PACRGL: variants seen among roughly 807,000 people sequenced by gnomAD.
The protein encoded by PACRGL is parkin coregulated like.
Under a neutral mutation model 34.5 loss-of-function variants are expected in PACRGL, and 38 were observed. That is an observed-to-expected ratio of 1.10 (90% CI 0.85 to 1.44). The LOEUF is 1.44. Ranked by LOEUF, PACRGL falls within the 40% of genes most tolerant of loss-of-function variation. The pLI is 0.00. For synonymous variants in PACRGL, 128 were observed against 100.1 expected (o/e 1.28, Z -1.66); for missense variants, 305 against 281.4 (o/e 1.08, Z -0.60).
chr4:20,707,291 A>G (rs1332328141), intron 3 of PACRGL, among the ~76,000 whole-genome samples: 2 of 152,212 alleles, frequency 1.3e-5, no homozygotes, highest in Admixed American at 6.5e-5. Flanking sequence ...ATGAAGTTAT[A>G]TATCTAAGAA....
At chr4:20,721,865 C>G (rs1386326004) in intron 7 of PACRGL, among the ~76,000 whole-genome samples, 1 of 152,206 alleles carries the variant, frequency 6.6e-6, no homozygotes, top group Non-Finnish European at 1.5e-5. Context: ...CAGACAGGGA[C>G]ATTTAAGTCT....
chr4:20,739,438 T>C (rs1173981440), intron 8 of PACRGL, among the ~76,000 whole-genome samples: 1 of 152,122 alleles, frequency 6.6e-6, no homozygotes, highest in Non-Finnish European at 1.5e-5. Flanking sequence ...CTGCTGGTGA[T>C]AACCAGGCAA....
chr4:20,765,506 T>A, the PACRGL span, among the ~76,000 whole-genome samples: 1 of 152,178 alleles, frequency 6.6e-6, no homozygotes, highest in Non-Finnish European at 1.5e-5. Flanking sequence ...TTTTTAGAAA[T>A]CTTTGGTTTT....
At chr4:20,749,265 TA>T (rs986256534) in intron 8 of PACRGL, among the ~76,000 whole-genome samples, 4 of 152,210 alleles carry the variant, frequency 2.6e-5, no homozygotes, top group African/African-American at 9.6e-5. Context: ...TTTCTACATT[TA>T]ATTTCTTGCC....
intron 8 of PACRGL, chr4:20,749,701 A>G: frequency 1.2e-6 from 2 of 1,609,964 alleles, no homozygotes; most frequent in Non-Finnish European, 8.5e-7. Context: ...TATCAAATGC[A>G]TTGAACAGAA....
At chr4:20,745,636 G>T (rs1470555730) in intron 8 of PACRGL, among the ~76,000 whole-genome samples, 1 of 152,174 alleles carries the variant, frequency 6.6e-6, no homozygotes, top group East Asian at 1.9e-4. Flanking sequence ...GGAGAGGTCT[G>T]TACCGAATTC....
chr4:20,756,172 T>TAA (rs61417409), downstream of PACRGL, among the ~76,000 whole-genome samples: 18,056 of 139,138 alleles, frequency 0.13, 1,222 homozygotes, highest in South Asian at 0.2. Flanking sequence ...TGGAAAGTAG[T>TAA]AAAAAAAAAA....
At chr4:20,722,052 C>G (rs564443280) in intron 7 of PACRGL, among the ~76,000 whole-genome samples, 4 of 152,244 alleles carry the variant, frequency 2.6e-5, no homozygotes, top group African/African-American at 9.6e-5. Context: ...GCCTTGCTGC[C>G]GCCTTGCAGT....
chr4:20,723,749 C>T (rs534848353), intron 7 of PACRGL, among the ~76,000 whole-genome samples: 152 of 152,110 alleles, frequency 1.0e-3, no homozygotes, highest in Non-Finnish European at 5.3e-4. Flanking sequence ...ACTGACTGAA[C>T]GGGTATCTAG....
chr4:20,709,083 G>C (rs1735901351), intron 4 of PACRGL, among the ~76,000 whole-genome samples: 1 of 152,184 alleles, frequency 6.6e-6, no homozygotes, highest in African/African-American at 2.4e-5. Context: ...AGGTTGCGGT[G>C]AGCCAAGATC....
intron 8 of PACRGL, chr4:20,749,790 T>A: frequency 3.4e-6 from 4 of 1,174,798 alleles, no homozygotes; most frequent in Non-Finnish European, 1.2e-6. Context: ...TACATAAGAC[T>A]TGGATAGCAG....
rs114555542 is a variant in PACRGL at position 20,746,376 on chromosome 4, G to A, written c.*57-6189G>A. ...ATCACACACCAGGGCATGTCGGAGG[G>A]TGGGGGGCTAGGGGAGGGATAATAT... On this transcript the variant is annotated intron_variant, in intron 8 of 8. Transcript: ENST00000507634. 3.9e-3 allele frequency among the ~76,000 whole-genome samples: 597 copies of A among 152,136 alleles called. 6 individuals carry two copies. The highest frequency in any genetic ancestry group is 0.013 in the African/African-American group (559 of 41,514).
the PACRGL span, among the ~76,000 whole-genome samples, chr4:20,762,961 G>A: frequency 6.6e-6 from 1 of 152,084 alleles, no homozygotes; most frequent in Non-Finnish European, 1.5e-5. Flanking sequence ...CAGCAAGAAA[G>A]GAGAAGTGCT....
chr4:20,715,370 A>G (rs2149119494), intron 7 of PACRGL, among the ~76,000 whole-genome samples: 1 of 152,184 alleles, frequency 6.6e-6, no homozygotes, highest in African/African-American at 2.4e-5. Flanking sequence ...ACATGTATAC[A>G]TATGTAACTA....
At position 20,730,255 on chromosome 4, in the gene PACRGL, T is replaced by G; in HGVS notation, c.*2914T>G. 8.3e-7 allele frequency: 1 copy of G among 1,207,204 alleles called. No individual in the cohort carries two copies. The highest frequency in any genetic ancestry group is 2.7e-5 in the East Asian group (1 of 37,518). The allele number at this position is 1,207,204 out of a possible 1,614,324, so 74.8% of individuals were successfully genotyped here. On this transcript the variant is annotated 3_prime_UTR_variant, in exon 9 of 9. Transcript: ENST00000503585. The stretch of plus-strand genomic sequence containing the variant: ...CCACCTATGCCAAAAGCTCAAATAT[T>G]AAGTGTTTGCAAATGTAAATGCCAT...
chr4:20,752,234 T>C (rs1170499772), intron 8 of PACRGL, among the ~76,000 whole-genome samples: 1 of 151,900 alleles, frequency 6.6e-6, no homozygotes, highest in African/African-American at 2.4e-5. Context: ...AATTTTTGTA[T>C]GTTTAGTAGA....
the PACRGL span, among the ~76,000 whole-genome samples, chr4:20,761,866 GT>G: frequency 6.6e-6 from 1 of 152,232 alleles, no homozygotes; most frequent in South Asian, 2.1e-4. Context: ...AGATAAATTT[GT>G]TTTTATCCAC....
chr4:20,740,078 G>A (rs879587728), intron 8 of PACRGL, among the ~76,000 whole-genome samples: 5 of 152,226 alleles, frequency 3.3e-5, no homozygotes, highest in Admixed American at 2.6e-4. Flanking sequence ...GGAAATATGG[G>A]ACTATGTGAA....
intron 8 of PACRGL, among the ~76,000 whole-genome samples, chr4:20,726,094 G>C (rs927293388): frequency 6.6e-6 from 1 of 152,048 alleles, no homozygotes; most frequent in Non-Finnish European, 1.5e-5. Context: ...TCCATATCCT[G>C]TGGGCCGGTA....
Sources: allele counts gnomAD v4.1 joint callset (sites outside exome capture counted in the v4.1 genomes callset), GRCh38; gene constraint gnomAD v4.1.1; transcripts MANE v1.5; gene names NCBI Gene and HGNC (gene_info 2026-07-23, HGNC 2026-07-21).